FOXN3: variants seen among roughly 807,000 people sequenced by gnomAD.
FOXN3 encodes forkhead box protein N3.
In FOXN3, 7 loss-of-function variants were observed where a neutral mutation model predicts 38.4. The observed-to-expected ratio is 0.18, with a 90% CI of 0.10 to 0.34. The LOEUF (loss-of-function observed/expected upper bound fraction) is 0.34, where lower values mean the gene tolerates loss of function less well. FOXN3 is among the 10% of genes least tolerant of loss of function. The probability of loss-of-function intolerance (pLI) is 1.00; values close to 1 mark genes in which losing one functional copy is unlikely to be tolerated. For missense variants in FOXN3, 456 were observed against 613.4 expected (o/e 0.74, Z 2.71); for synonymous variants, 230 against 242.2 (o/e 0.95, Z 0.47).
At chr14:89,366,898 T>C (rs552705463) in intron 2 of FOXN3, among the ~76,000 whole-genome samples, 21 of 152,302 alleles carry the variant, frequency 1.4e-4, no homozygotes, top group Admixed American at 1.3e-3. Context: ...TAGTTACTCA[T>C]CTATTTTTAA....
chr14:89,291,008 G>A, intron 3 of FOXN3: 2 of 451,586 alleles, frequency 4.4e-6, no homozygotes, highest in South Asian at 3.4e-5. Flanking sequence ...GGCCCGTGGT[G>A]TGGTGCTCCT....
chr14:89,206,376 A>T (rs1888386162), intron 4 of FOXN3, among the ~76,000 whole-genome samples: 1 of 152,184 alleles, frequency 6.6e-6, no homozygotes, highest in African/African-American at 2.4e-5. Context: ...TGTAAATGCT[A>T]AGCCAAATAG....
intron 1 of FOXN3, among the ~76,000 whole-genome samples, chr14:89,566,828 TTCCTCC>T (rs374333609): frequency 1.3e-5 from 2 of 149,986 alleles, no homozygotes; most frequent in East Asian, 2.0e-4. Context: ...CCCTACTCCC[TTCCTCC>T]TCCTCCTCCT....
intron 4 of FOXN3, among the ~76,000 whole-genome samples, chr14:89,266,367 A>C (rs1200159554): frequency 6.6e-6 from 1 of 152,048 alleles, no homozygotes; most frequent in African/African-American, 2.4e-5. Context: ...GTCCTTATAA[A>C]AACTCCTCCT....
chr14:89,309,064 G>GT (rs1390264608), intron 3 of FOXN3, among the ~76,000 whole-genome samples: 3 of 152,220 alleles, frequency 2.0e-5, no homozygotes, highest in African/African-American at 7.2e-5. Context: ...CTCTTTGTTT[G>GT]TTTTTTTATT....
In FOXN3 at chr14:89,219,568, T is replaced by C. The variant is rs981490682; in HGVS notation, c.746-38762A>G. ...CCCGAGAGCATGGCACCACATGCAG[T>C]GGGCTGTCATCAAACATCTGGCGAG... is the stretch of plus-strand genomic sequence containing the variant. On this transcript the variant is annotated intron_variant, in intron 4 of 5. Transcript: ENST00000557258. Among the ~76,000 whole-genome samples, 24 of 152,176 alleles carry C rather than the reference T, an allele frequency of 1.6e-4. 1 individual carries two copies. The East Asian group carries it at 4.6e-3, about 29-fold the overall frequency.
upstream of FOXN3, chr14:89,417,751 C>T (rs1161222009): frequency 2.2e-6 from 1 of 455,920 alleles, no homozygotes; most frequent in South Asian, 1.5e-5. Flanking sequence ...ATAGGACCCC[C>T]AGGGCCTTCC....
chr14:89,373,146 A>T (rs1027762427), intron 2 of FOXN3, among the ~76,000 whole-genome samples: 1 of 152,196 alleles, frequency 6.6e-6, no homozygotes, highest in Non-Finnish European at 1.5e-5. Context: ...GACCTGGGCA[A>T]CAGAGCGGGA....
chr14:89,272,169 G>A (rs901881589), intron 4 of FOXN3, among the ~76,000 whole-genome samples: 5 of 152,040 alleles, frequency 3.3e-5, no homozygotes, highest in African/African-American at 7.2e-5. Context: ...AAAATTACCC[G>A]GGTGTGGTGG....
chr14:89,199,809 C>G (rs998970146), intron 4 of FOXN3, among the ~76,000 whole-genome samples: 2 of 152,040 alleles, frequency 1.3e-5, no homozygotes, highest in South Asian at 4.2e-4. Flanking sequence ...GAGGCTGAGG[C>G]AGGAGAATCA....
At chr14:89,251,515 AAATTCAACTCTTACATAGCTTACATAT>A (rs1311242755) in intron 4 of FOXN3, among the ~76,000 whole-genome samples, 1 of 152,226 alleles carries the variant, frequency 6.6e-6, no homozygotes, top group Non-Finnish European at 1.5e-5. Context: ...AAGAGCAACT[AAATTCAACTCTTACATAGCTTACATAT>A]AATGATATTT....
chr14:89,583,294 G>A (rs887259670), intron 1 of FOXN3, among the ~76,000 whole-genome samples: 1 of 152,168 alleles, frequency 6.6e-6, no homozygotes, highest in Admixed American at 6.5e-5. Context: ...GAGAGGTGAG[G>A]CATCTGGGCA....
At chr14:89,343,362 A>T (rs1250098855) in intron 3 of FOXN3, among the ~76,000 whole-genome samples, 1 of 152,100 alleles carries the variant, frequency 6.6e-6, no homozygotes, top group African/African-American at 2.4e-5. Flanking sequence ...TCCCAGCCTC[A>T]CTATGACAGC....
At position 89,522,162 on chromosome 14, in the gene FOXN3, G is replaced by GA. The variant is rs199909730; in HGVS notation, c.-15+96865dup. Among the ~76,000 whole-genome samples, 982 of 151,864 alleles carry GA rather than the reference G, an allele frequency of 6.5e-3. 13 individuals are homozygous for GA. The highest frequency in any genetic ancestry group is 0.022 in the African/African-American group (926 of 41,448). Reference sequence around the variant, plus strand: ...AAAAAAAAACCTTATAATGCTGAAAGAAAAAAACTGTCAAATAAGAATTTT... The same window carrying GA: ...AAAAAAAAACCTTATAATGCTGAAAGAAAAAAAACTGTCAAATAAGAATTTT... On this transcript the variant is annotated intron_variant, in intron 1 of 6. Transcript: ENST00000345097.
At chr14:89,287,282 T>C (rs1018537166) in intron 3 of FOXN3, among the ~76,000 whole-genome samples, 6 of 152,026 alleles carry the variant, frequency 3.9e-5, no homozygotes, top group African/African-American at 1.4e-4. Flanking sequence ...GCCTCCCGAG[T>C]AGCTGTGATT....
intron 4 of FOXN3, among the ~76,000 whole-genome samples, chr14:89,187,202 T>C (rs1322903772): frequency 1.3e-5 from 2 of 152,054 alleles, no homozygotes; most frequent in African/African-American, 2.4e-5. Context: ...GTGGCCCCCA[T>C]GCAAGCAGGG....
intron 1 of FOXN3, among the ~76,000 whole-genome samples, chr14:89,569,405 G>A (rs1354595504): frequency 2.2e-4 from 33 of 152,158 alleles, no homozygotes; most frequent in Non-Finnish European, 7.3e-5. Flanking sequence ...GCCCAGCTCT[G>A]CTGAGCTGCA....
At chr14:89,270,052 C>T (rs774376838) in intron 4 of FOXN3, among the ~76,000 whole-genome samples, 12 of 152,180 alleles carry the variant, frequency 7.9e-5, no homozygotes, top group African/African-American at 1.7e-4. Context: ...TGGCTGGAAG[C>T]GTTCTAACAC....
At chr14:89,521,358 T>TAGAGAGAGAGAGAGAGAGAGAGAGAG (rs199686142) in intron 1 of FOXN3, among the ~76,000 whole-genome samples, 1 of 124,968 alleles carries the variant, frequency 8.0e-6, no homozygotes, top group African/African-American at 2.7e-5. Flanking sequence ...AGATGATAGA[T>TAGAGAGAGAGAGAGAGAGAGAGAGAG]AGAGAGAGAG....
Sources: allele counts gnomAD v4.1 joint callset (sites outside exome capture counted in the v4.1 genomes callset), GRCh38; gene constraint gnomAD v4.1.1; transcripts MANE v1.5; gene names NCBI Gene and HGNC (gene_info 2026-07-23, HGNC 2026-07-21).